IQGAP2: variants seen among roughly 807,000 people sequenced by gnomAD.
The protein encoded by IQGAP2 is IQ motif containing GTPase activating protein 2, also known as ras GTPase-activating-like protein IQGAP2.
Under a neutral mutation model 201.3 loss-of-function variants are expected in IQGAP2, and 173 were observed. The ratio of observed to expected loss-of-function variants is 0.86; its 90% CI spans 0.76 to 0.98. The LOEUF is 0.98. Ranked by LOEUF, IQGAP2 falls within the 50% of genes least tolerant of loss-of-function variation. IQGAP2 has a pLI of 0.00. For synonymous variants in IQGAP2, 675 were observed against 673.9 expected, an observed-to-expected ratio of 1.00 and a Z score of -0.03; for missense variants, 1,687 against 1,864.8, an observed-to-expected ratio of 0.90 and a Z score of 1.76.
At chr5:76,603,719 A>C (rs1056851978) in intron 11 of IQGAP2, among the ~76,000 whole-genome samples, 14 of 152,148 alleles carry the variant, frequency 9.2e-5, no homozygotes, top group African/African-American at 3.4e-4. Flanking sequence ...CATGTTTTAC[A>C]TGTAGTAAGT....
At chr5:76,701,244 C>T (rs2307123) in intron 34 of IQGAP2, 31 bp downstream of exon 34, 531,640 of 1,600,672 alleles carry the variant, frequency 0.33, 90,900 homozygotes, top group Non-Finnish European at 0.35. Flanking sequence ...GCATAGAACA[C>T]GCATGCCATT....
At chr5:76,428,666 C>A (rs1226136720) in intron 1 of IQGAP2, among the ~76,000 whole-genome samples, 3 of 150,952 alleles carry the variant, frequency 2.0e-5, no homozygotes, top group Non-Finnish European at 3.0e-5. Flanking sequence ...CTCCTGACCT[C>A]AAGTGATCCA....
intron 16 of IQGAP2, among the ~76,000 whole-genome samples, chr5:76,639,263 G>A (rs2455232): frequency 0.38 from 58,171 of 151,990 alleles, 11,259 homozygotes; most frequent in Non-Finnish European, 0.41. Flanking sequence ...TGTAGATTTT[G>A]TCAATAAACA....
chr5:76,571,222 C>T (rs377334123), intron 4 of IQGAP2, among the ~76,000 whole-genome samples: 1 of 151,948 alleles, frequency 6.6e-6, no homozygotes, highest in Non-Finnish European at 1.5e-5. Context: ...GCTCTGTCGC[C>T]CAGTCTGGAG....
In IQGAP2 at chr5:76,707,279, T is replaced by C; in HGVS notation, c.4694T>C (p.Ile1565Thr). ...GTTAAAGTGAATGTAAACCTTCTCA[T>C]ATACCTGCTGAACAAGAAGTTCTAT... ...DKVKVNVNLL[I>T]YLLNKKFYGK is the part of the protein sequence containing the mutation. The change falls in exon 36 of 36, where the codon ATA (isoleucine) becomes ACA (threonine). Residue 1565 changes from isoleucine (I) to threonine (T), a missense_variant. Coordinates refer to ENST00000274364, the MANE Select transcript of IQGAP2 (RefSeq NM_006633.5). 1 of 1,570,964 alleles carries C rather than the reference T, an allele frequency of 6.4e-7. No homozygotes were observed. The highest frequency in any genetic ancestry group is 8.8e-7 in the Non-Finnish European group (1 of 1,140,784).
At chr5:76,699,043 A>G (rs1046639059) in intron 33 of IQGAP2, among the ~76,000 whole-genome samples, 2 of 152,146 alleles carry the variant, frequency 1.3e-5, no homozygotes, top group Admixed American at 6.5e-5. Flanking sequence ...TATTAGCTAT[A>G]TTCACCACAC....
chr5:76,404,608 C>T (rs1035059818), intron 1 of IQGAP2: 3 of 435,270 alleles, frequency 6.9e-6, no homozygotes, highest in African/African-American at 2.2e-5. Context: ...TTGGATGGTG[C>T]GTAAGGCCAC....
At chr5:76,597,280 G>A (rs1747098383) in intron 9 of IQGAP2, 159 bp from the exon 10 acceptor site, 1 of 655,906 alleles carries the variant, frequency 1.5e-6, no homozygotes, top group Non-Finnish European at 2.6e-6. Flanking sequence ...GAATTACTGA[G>A]ATAACATTTT....
intron 13 of IQGAP2, among the ~76,000 whole-genome samples, chr5:76,623,868 C>T (rs560835691): frequency 1.3e-5 from 2 of 151,240 alleles, no homozygotes; most frequent in Non-Finnish European, 2.9e-5. Flanking sequence ...TCGTCAGTGC[C>T]TGGCCAGAAC....
At chr5:76,663,477 G>GCA (rs1743453767) in intron 21 of IQGAP2, among the ~76,000 whole-genome samples, 1 of 151,800 alleles carries the variant, frequency 6.6e-6, no homozygotes, top group Non-Finnish European at 1.5e-5. Flanking sequence ...TTTCAAATAT[G>GCA]AGTCGCATGC....
At chr5:76,497,460 A>G (rs552889615) in intron 2 of IQGAP2, among the ~76,000 whole-genome samples, 1 of 152,344 alleles carries the variant, frequency 6.6e-6, no homozygotes, top group African/African-American at 2.4e-5. Flanking sequence ...CAATGTTTAT[A>G]ATAAGTACTC....
chr5:76,577,097 T>G (rs1204114040), intron 5 of IQGAP2, among the ~76,000 whole-genome samples: 1 of 152,274 alleles, frequency 6.6e-6, no homozygotes, highest in Non-Finnish European at 1.5e-5. Context: ...CATGTGTGCA[T>G]CACAGTGCTA....
At position 76,549,302 on chromosome 5, in the gene IQGAP2, T is replaced by C. The variant is rs577242095; in HGVS notation, c.147-13094T>C. Among the ~76,000 whole-genome samples, 515 of 148,336 alleles carry C rather than the reference T, an allele frequency of 3.5e-3. 1 individual carries two copies. Among genetic ancestry groups the C allele is most frequent in the African/African-American group, 0.012 (490 of 39,450 alleles). ...TAAGTGGCAGAGCTTTGGTTCAGTC[T>C]CAGGCGTCGAGCTCTGGAGTGTGTG... On this transcript the variant is annotated intron_variant, in intron 2 of 35. Transcript: ENST00000274364.
intron 22 of IQGAP2, among the ~76,000 whole-genome samples, chr5:76,667,913 G>T (rs1187962408): frequency 7.8e-6 from 1 of 128,942 alleles, no homozygotes; most frequent in Non-Finnish European, 1.5e-5. Flanking sequence ...TACAGAGTCT[G>T]TGTTGTCTAG....
intron 1 of IQGAP2, among the ~76,000 whole-genome samples, chr5:76,425,346 C>T (rs1479311301): frequency 1.3e-5 from 2 of 152,226 alleles, no homozygotes; most frequent in Non-Finnish European, 2.9e-5. Context: ...ATTTACTACC[C>T]TCTGTTATAC....
At chr5:76,471,875 A>G (rs1755131748) in intron 2 of IQGAP2, among the ~76,000 whole-genome samples, 1 of 152,228 alleles carries the variant, frequency 6.6e-6, no homozygotes, top group African/African-American at 2.4e-5. Flanking sequence ...GTTGCTCTAC[A>G]CACAAAATAG....
intron 2 of IQGAP2, among the ~76,000 whole-genome samples, chr5:76,475,144 C>T (rs1029859176): frequency 6.6e-6 from 1 of 152,100 alleles, no homozygotes; most frequent in Non-Finnish European, 1.5e-5. Flanking sequence ...AGAGGATACC[C>T]CTTCCTCTGG....
intron 1 of IQGAP2, among the ~76,000 whole-genome samples, chr5:76,404,761 T>G (rs917576874): frequency 3.3e-5 from 5 of 152,220 alleles, no homozygotes; most frequent in African/African-American, 1.2e-4. Context: ...GCCTCTGTAC[T>G]CTAATGCATT....
intron 28 of IQGAP2, among the ~76,000 whole-genome samples, chr5:76,680,969 G>A (rs139521396): frequency 3.3e-5 from 5 of 150,882 alleles, no homozygotes; most frequent in East Asian, 3.9e-4. Flanking sequence ...AACCAGGTGC[G>A]GTGACACATG....
Sources: gnomAD v4.1 joint callset for allele counts (sites outside exome capture counted in the v4.1 genomes callset) on GRCh38, gnomAD v4.1.1 for gene constraint, MANE v1.5 for transcripts, NCBI Gene and HGNC (gene_info 2026-07-23, HGNC 2026-07-21) for gene names.